The following HEPHL1 variants were observed in gnomAD, a reference collection of about 807,000 sequenced individuals.
HEPHL1 encodes the protein ferroxidase HEPHL1.
Under a neutral mutation model 122.0 loss-of-function variants are expected in HEPHL1, and 123 were observed. The ratio of observed to expected loss-of-function variants is 1.01; its 90% CI spans 0.87 to 1.17. HEPHL1 has a LOEUF of 1.17. HEPHL1 is among the 50% of genes most tolerant of loss of function. HEPHL1 has a pLI of 0.00. For synonymous variants in HEPHL1, 527 were observed against 508.9 expected (o/e 1.04, Z -0.48); for missense variants, 1,452 against 1,430.5 (o/e 1.01, Z -0.24).
chr11:94,024,849 C>T (rs551165146), intron 1 of HEPHL1, among the ~76,000 whole-genome samples: 52 of 152,272 alleles, frequency 3.4e-4, no homozygotes, highest in Admixed American at 7.9e-4. Context: ...CTTCCCTGCA[C>T]GGAACTTTGT....
rs923659684 is a variant in HEPHL1, at chr11:94,112,587, C to T, written c.*693C>T. On this transcript the variant is annotated 3_prime_UTR_variant, in exon 20 of 20. Coordinates refer to ENST00000315765, the MANE Select transcript of HEPHL1 (RefSeq NM_001098672.2). ...GAAATACTTGAATGTTTACAACTCA[C>T]TTCATGTTACATGTTTTTACAATAT... 6.6e-6 allele frequency: 1 copy of T among 152,208 alleles called. No homozygotes were observed. Among genetic ancestry groups the T allele is most frequent in the Non-Finnish European group, 1.5e-5 (1 of 68,040 alleles). The allele number at this position is 152,208 out of a possible 1,614,324, so 9.4% of individuals were successfully genotyped here.
At chr11:94,063,451 G>A (rs977370283) in intron 2 of HEPHL1, 57 bp from the exon 3 acceptor site, 1 of 1,352,544 alleles carries the variant, frequency 7.4e-7, no homozygotes, top group Non-Finnish European at 1.0e-6. Context: ...ACTATAGCAT[G>A]TGATCTCTCT....
At chr11:94,082,865 G>T (rs754934852) in intron 10 of HEPHL1, among the ~76,000 whole-genome samples, 10 of 152,162 alleles carry the variant, frequency 6.6e-5, no homozygotes, top group Non-Finnish European at 1.0e-4. Context: ...GGGAGGCTGA[G>T]GTGGGCAGAT....
At chr11:94,077,026 C>T (rs1946131219) in intron 9 of HEPHL1, among the ~76,000 whole-genome samples, 1 of 152,120 alleles carries the variant, frequency 6.6e-6, no homozygotes, top group African/African-American at 2.4e-5. Context: ...TCTTCATGTA[C>T]CCTTCACCCA....
chr11:94,078,470 T>C (rs927074377), intron 9 of HEPHL1, among the ~76,000 whole-genome samples: 1 of 97,944 alleles, frequency 1.0e-5, no homozygotes, highest in Non-Finnish European at 2.2e-5. Context: ...TATATATATA[T>C]ATATATGGAG....
At chr11:94,094,684 C>G (rs529297482) in intron 13 of HEPHL1, among the ~76,000 whole-genome samples, 2 of 152,124 alleles carry the variant, frequency 1.3e-5, no homozygotes, top group African/African-American at 4.8e-5. Flanking sequence ...TTTTAATGAT[C>G]GCCATTGTAA....
chr11:94,021,652 G>A, intron 1 of HEPHL1, 114 bp downstream of exon 1: 1 of 815,164 alleles, frequency 1.2e-6, no homozygotes, highest in South Asian at 1.7e-5. Flanking sequence ...TCTAGACCAA[G>A]AGAAGGTGTT....
rs146214004 is a variant in HEPHL1, at chr11:94,085,690, G to C, written c.1868-287G>C. On this transcript the variant is annotated intron_variant, in intron 10 of 19. Transcript: ENST00000315765. The stretch of plus-strand genomic sequence containing the variant: ...TTTTCATATCGAGAGCCTTAGAGAA[G>C]AGTATGGGGAAATTATTTCATAAAC... Among the ~76,000 whole-genome samples, 151 of 152,284 alleles carry C rather than the reference G, an allele frequency of 9.9e-4. 1 individual carries two copies. Among genetic ancestry groups the C allele is most frequent in the African/African-American group, 3.4e-3 (143 of 41,564 alleles).
At chr11:94,103,650 A>G (rs1460885392) in intron 15 of HEPHL1, among the ~76,000 whole-genome samples, 4 of 152,212 alleles carry the variant, frequency 2.6e-5, no homozygotes, top group Non-Finnish European at 5.9e-5. Context: ...TAAAACAACC[A>G]CAGTCTTTAA....
At chr11:94,041,026 C>G (rs1319468944) in intron 1 of HEPHL1, among the ~76,000 whole-genome samples, 1 of 122,170 alleles carries the variant, frequency 8.2e-6, no homozygotes, top group Non-Finnish European at 1.8e-5. Flanking sequence ...TCAGCAAACT[C>G]TCAGGATACA....
At chr11:94,064,919 T>G (rs1946021327) in intron 4 of HEPHL1, among the ~76,000 whole-genome samples, 1 of 152,190 alleles carries the variant, frequency 6.6e-6, no homozygotes, top group Admixed American at 6.5e-5. Context: ...CAGTAACCAT[T>G]TTCTGAGCCG....
Position 94,088,862 on chromosome 11 carries a change from G to A in HEPHL1, c.2188G>A (p.Gly730Arg). The change falls in exon 12 of 20, where the codon GGG (glycine) becomes AGG (arginine). Residue 730 changes from glycine to arginine, a missense_variant. Gly to Arg is a moderately radical substitution (Grantham distance 125). Transcript: ENST00000315765. ...DNRDPSEQRY[G>R]MIRTFYIAAE... is the part of the protein sequence containing the mutation. The stretch of plus-strand genomic sequence containing the variant: ...CAGGGACCCTTCTGAGCAGCGGTAC[G>A]GGATGATAAGAACTTTTTACATCGC... 6.2e-7 allele frequency: 1 copy of A among 1,613,970 alleles called. No individual in the cohort carries two copies. Among genetic ancestry groups the A allele is most frequent in the Non-Finnish European group, 8.5e-7 (1 of 1,179,878 alleles).
intron 1 of HEPHL1, among the ~76,000 whole-genome samples, chr11:94,028,359 A>G (rs1945644544): frequency 6.6e-6 from 1 of 152,224 alleles, no homozygotes; most frequent in Admixed American, 6.5e-5. Context: ...TGCAGAGGTC[A>G]TGGGATTGCT....
At chr11:94,052,425 C>T (rs1449410919) in intron 2 of HEPHL1, among the ~76,000 whole-genome samples, 1 of 151,770 alleles carries the variant, frequency 6.6e-6, no homozygotes. Context: ...AGATTATTCA[C>T]TGTTGGCATA....
chr11:94,099,965 A>G (rs1461859524), intron 13 of HEPHL1, among the ~76,000 whole-genome samples: 1 of 152,098 alleles, frequency 6.6e-6, no homozygotes, highest in African/African-American at 2.4e-5. Flanking sequence ...CTTCCCAGGT[A>G]AGGCGATGCC....
chr11:94,046,065 A>ATTCTGTC (rs1260071613), intron 2 of HEPHL1, 148 bp downstream of exon 2: 2 of 178,844 alleles, frequency 1.1e-5, no homozygotes, highest in East Asian at 2.8e-4. Context: ...CCATCTATCT[A>ATTCTGTC]TTCTGTCTCT....
At position 94,045,697 on chromosome 11, in the gene HEPHL1, A is replaced by G. The variant is rs1313265624; in HGVS notation, c.195A>G (p.Arg65=). The G allele has an allele frequency of 6.2e-7, 1 of 1,608,822 alleles. No individual in the cohort carries two copies. Among genetic ancestry groups the G allele is most frequent in the African/African-American group, 1.3e-5 (1 of 74,802 alleles). Residue 65 remains arginine (R), a synonymous_variant, in exon 2 of 20, where the codon AGA becomes AGG. Coordinates refer to ENST00000315765, the MANE Select transcript of HEPHL1 (RefSeq NM_001098672.2). The part of the protein sequence containing the change: ...EDKLATLFLE[R]GPNRIGSIYK... ...GACTTGCAACCTTATTTCTCGAAAG[A>G]GGGCCCAACAGGATAGGCAGTATTT...
intron 9 of HEPHL1, among the ~76,000 whole-genome samples, chr11:94,076,580 C>T (rs1300552997): frequency 6.6e-6 from 1 of 151,368 alleles, no homozygotes; most frequent in Non-Finnish European, 1.5e-5. Context: ...AAATACTATT[C>T]ATGGTCAGTC....
rs1946093126 is a variant in HEPHL1 at position 94,073,309 on chromosome 11, C to A, written c.1374C>A (p.Gly458=). 9.3e-6 allele frequency: 15 copies of A among 1,610,010 alleles called. No individual in the cohort carries two copies. Among genetic ancestry groups the A allele is most frequent in the Non-Finnish European group, 1.3e-5 (15 of 1,178,034 alleles). Residue 458 remains glycine, a splice_region_variant and synonymous_variant, in exon 8 of 20, where the codon GGC becomes GGA. Transcript: ENST00000315765. ...SAEEAHLGIL[G]PVIKAEVGDT... ...CTCTTCTTCTGGATATTTTTTCAGG[C>A]CCAGTCATCAAGGCAGAGGTGGGTG...
Sources: allele counts gnomAD v4.1 joint callset (sites outside exome capture counted in the v4.1 genomes callset), GRCh38; gene constraint gnomAD v4.1.1; transcripts MANE v1.5; gene names NCBI Gene and HGNC (gene_info 2026-07-23, HGNC 2026-07-21).